CAMSAP1: variants seen among roughly 807,000 people sequenced by gnomAD.
The protein encoded by CAMSAP1 is calmodulin regulated spectrin associated protein 1, also known as calmodulin-regulated spectrin-associated protein 1.
CAMSAP1 carries 58 observed loss-of-function variants against 143.5 expected under a neutral mutation model. The observed-to-expected ratio is 0.40, with a 90% CI of 0.33 to 0.50. The LOEUF (loss-of-function observed/expected upper bound fraction) is 0.50. Among genes scored for constraint, CAMSAP1 ranks in the 20% least tolerant of loss-of-function variants. The pLI, the probability that CAMSAP1 is intolerant of heterozygous loss-of-function variation, is 0.45. For missense variants in CAMSAP1, 1,969 were observed against 2,115.7 expected, an observed-to-expected ratio of 0.93 and a Z score of 1.36; for synonymous variants, 945 against 859.3, an observed-to-expected ratio of 1.10 and a Z score of -1.74.
chr9:135,855,537 G>A (rs1350546240), intron 5 of CAMSAP1, among the ~76,000 whole-genome samples: 3 of 151,814 alleles, frequency 2.0e-5, no homozygotes, highest in Non-Finnish European at 2.9e-5. Context: ...TCAGGAGTTC[G>A]AGACCAGCCT....
chr9:135,903,157 C>G lies in CAMSAP1; in HGVS notation c.160+3843G>C, dbSNP rs1385113097. On this transcript the variant is annotated intron_variant, in intron 1 of 16. Coordinates refer to ENST00000389532, the MANE Select transcript of CAMSAP1 (RefSeq NM_015447.4). ...AGATCAACGCCAGGACTGCACTGCT[C>G]TAGTCCAGCGTGCTATGCGGTAAAA... 2.6e-5 allele frequency among the ~76,000 whole-genome samples: 4 copies of G among 152,210 alleles called. No homozygotes were observed. The South Asian group carries it at 6.2e-4, about 24-fold the overall frequency.
At chr9:135,841,447 C>T (rs914352243) in intron 7 of CAMSAP1, among the ~76,000 whole-genome samples, 2 of 152,248 alleles carry the variant, frequency 1.3e-5, no homozygotes, top group African/African-American at 4.8e-5. Context: ...AACATCACCG[C>T]CTGCTGGCTC....
At chr9:135,906,759 G>A in intron 1 of CAMSAP1, among the ~76,000 whole-genome samples, 1 of 151,964 alleles carries the variant, frequency 6.6e-6, no homozygotes, top group Non-Finnish European at 1.5e-5. Flanking sequence ...AATAGGAGCG[G>A]AAGCCCCGAC....
At chr9:135,877,582 A>T (rs529631032) in intron 3 of CAMSAP1, among the ~76,000 whole-genome samples, 1 of 151,970 alleles carries the variant, frequency 6.6e-6, no homozygotes, top group Non-Finnish European at 1.5e-5. Context: ...AAGGCAGGAG[A>T]ATTGCTTGAG....
At chr9:135,888,054 G>A (rs752664998) in intron 1 of CAMSAP1, among the ~76,000 whole-genome samples, 9 of 152,152 alleles carry the variant, frequency 5.9e-5, no homozygotes, top group Non-Finnish European at 8.8e-5. Context: ...AACTGACGGA[G>A]AGCAGGAGTT....
At chr9:135,860,076 C>T (rs1005910190) in intron 5 of CAMSAP1, among the ~76,000 whole-genome samples, 1 of 151,376 alleles carries the variant, frequency 6.6e-6, no homozygotes, top group Non-Finnish European at 1.5e-5. Flanking sequence ...CAAAAGTTAG[C>T]CAGGCATGGT....
intron 7 of CAMSAP1, among the ~76,000 whole-genome samples, chr9:135,837,787 C>G (rs542748591): frequency 1.1e-3 from 152 of 144,130 alleles, no homozygotes; most frequent in Non-Finnish European, 1.8e-3. Flanking sequence ...TCTACCGGTT[C>G]TACAGACACG....
intron 7 of CAMSAP1, chr9:135,836,273 A>G (rs1156567730): frequency 2.0e-6 from 2 of 984,924 alleles, no homozygotes; most frequent in Non-Finnish European, 2.4e-6. Flanking sequence ...CCCATTCCGC[A>G]GCCACACATC....
chr9:135,828,180 T>C (rs972835319), intron 7 of CAMSAP1, among the ~76,000 whole-genome samples: 1 of 152,188 alleles, frequency 6.6e-6, no homozygotes, highest in Non-Finnish European at 1.5e-5. Context: ...CCCGCCTCTC[T>C]CCCAAAGGGT....
At chr9:135,889,081 T>A (rs72771945) in intron 1 of CAMSAP1, among the ~76,000 whole-genome samples, 10,847 of 152,136 alleles carry the variant, frequency 0.071, 458 homozygotes, top group Middle Eastern at 0.14. Flanking sequence ...TAAATCTGTG[T>A]CACATCCTGG....
intron 5 of CAMSAP1, among the ~76,000 whole-genome samples, chr9:135,856,696 C>T (rs1159432613): frequency 6.6e-6 from 1 of 152,220 alleles, no homozygotes; most frequent in Non-Finnish European, 1.5e-5. Context: ...TCTCTATACA[C>T]CATAACTATG....
chr9:135,905,209 G>A (rs1254457288), intron 1 of CAMSAP1, among the ~76,000 whole-genome samples: 1 of 152,224 alleles, frequency 6.6e-6, no homozygotes, highest in Non-Finnish European at 1.5e-5. Context: ...ATTAAAGAGT[G>A]ACCTGGTACC....
intron 16 of CAMSAP1, among the ~76,000 whole-genome samples, chr9:135,812,941 G>A (rs1454915974): frequency 1.3e-5 from 2 of 151,396 alleles, no homozygotes; most frequent in African/African-American, 2.4e-5. Flanking sequence ...GGGCGACAGA[G>A]TGAGACTCCA....
chr9:135,899,088 A>C (rs1838540628), intron 1 of CAMSAP1, among the ~76,000 whole-genome samples: 1 of 152,256 alleles, frequency 6.6e-6, no homozygotes, highest in South Asian at 2.1e-4. Context: ...AGATGCACAG[A>C]GGAAACTCAT....
intron 8 of CAMSAP1, 45 bp downstream of exon 8, chr9:135,827,362 A>T: frequency 7.0e-7 from 1 of 1,423,140 alleles, no homozygotes; most frequent in Non-Finnish European, 9.3e-7. Context: ...ACAAAAAGGG[A>T]CACAAGATGG....
chr9:135,863,062 T>C (rs534783250), intron 4 of CAMSAP1, among the ~76,000 whole-genome samples: 1 of 152,258 alleles, frequency 6.6e-6, no homozygotes, highest in African/African-American at 2.4e-5. Flanking sequence ...CCTCAGTCAT[T>C]AAGAAAAACA....
intron 3 of CAMSAP1, among the ~76,000 whole-genome samples, chr9:135,867,001 C>T (rs958130857): frequency 2.0e-5 from 3 of 152,180 alleles, no homozygotes; most frequent in Admixed American, 6.5e-5. Context: ...AAAAGTTTAA[C>T]TATACACCCC....
At chr9:135,900,073 C>A (rs556012425) in intron 1 of CAMSAP1, among the ~76,000 whole-genome samples, 1 of 152,244 alleles carries the variant, frequency 6.6e-6, no homozygotes, top group South Asian at 2.1e-4. Flanking sequence ...TTACCCAAGC[C>A]GAAGTGCAGT....
At chr9:135,850,484 C>T in intron 5 of CAMSAP1, 23 bp from the exon 6 acceptor site, 1 of 1,533,814 alleles carries the variant, frequency 6.5e-7, no homozygotes, top group South Asian at 1.3e-5. Flanking sequence ...AAGAAAATCA[C>T]AATTTATTGT....
Sources: gnomAD v4.1 joint callset for allele counts (sites outside exome capture counted in the v4.1 genomes callset) on GRCh38, gnomAD v4.1.1 for gene constraint, MANE v1.5 for transcripts, NCBI Gene and HGNC (gene_info 2026-07-23, HGNC 2026-07-21) for gene names.